ELOVL5: variants seen among roughly 807,000 people sequenced by gnomAD.
ELOVL5 encodes the protein ELOVL fatty acid elongase 5.
ELOVL5 carries 8 observed loss-of-function variants against 38.6 expected under a neutral mutation model. The observed-to-expected ratio is 0.21, with a 90% CI of 0.12 to 0.37. The LOEUF is 0.37. Among genes scored for constraint, ELOVL5 ranks in the 10% least tolerant of loss-of-function variants. The pLI is 1.00. For synonymous variants in ELOVL5, 127 were observed against 133.7 expected (o/e 0.95, Z 0.34); for missense variants, 280 against 367.8 (o/e 0.76, Z 1.95).
chr6:53,268,177 A>T lies in ELOVL5; in HGVS notation c.*950T>A, dbSNP rs899667175. Reference sequence around the variant, plus strand: ...AGTGCATAAATCAATCCAAATTTAGACCCTGGCAACCAGTTCCCCATTGCT... The same window carrying T: ...AGTGCATAAATCAATCCAAATTTAGTCCCTGGCAACCAGTTCCCCATTGCT... On this transcript the variant is annotated 3_prime_UTR_variant, in exon 8 of 8. Coordinates refer to ENST00000304434, the MANE Select transcript of ELOVL5 (RefSeq NM_021814.5). 9.2e-5 allele frequency: 14 copies of T among 152,272 alleles called. No homozygotes were observed. The highest frequency in any genetic ancestry group is 2.0e-4 in the Admixed American group (3 of 15,290). The allele number at this position is 152,272 out of a possible 1,614,324, so 9.4% of individuals were successfully genotyped here.
intron 1 of ELOVL5, among the ~76,000 whole-genome samples, chr6:53,312,383 A>T (rs1767879666): frequency 6.6e-6 from 1 of 152,266 alleles, no homozygotes; most frequent in African/African-American, 2.4e-5. Context: ...CAAACCTGAT[A>T]CATTCAACAA....
intron 1 of ELOVL5, among the ~76,000 whole-genome samples, chr6:53,346,160 T>C (rs1488522217): frequency 6.6e-6 from 1 of 152,078 alleles, no homozygotes; most frequent in Non-Finnish European, 1.5e-5. Context: ...GAATATGCAG[T>C]GTTTGGTTTT....
intron 6 of ELOVL5, among the ~76,000 whole-genome samples, chr6:53,271,209 G>C (rs1313492501): frequency 6.6e-6 from 1 of 152,188 alleles, no homozygotes; most frequent in Admixed American, 6.5e-5. Context: ...AATAAACCTT[G>C]AAACGCATGT....
chr6:53,282,633 A>G (rs1309719339), intron 3 of ELOVL5, among the ~76,000 whole-genome samples: 1 of 152,246 alleles, frequency 6.6e-6, no homozygotes, highest in Admixed American at 6.5e-5. Context: ...ACTAAGAGTG[A>G]AAAGTATTCT....
At chr6:53,326,520 G>A (rs1440134595) in intron 1 of ELOVL5, among the ~76,000 whole-genome samples, 4 of 152,064 alleles carry the variant, frequency 2.6e-5, no homozygotes, top group South Asian at 2.1e-4. Flanking sequence ...CCTTGACTCC[G>A]GCAGCTCCCA....
At chr6:53,278,101 TTCA>T (rs1473836358) in intron 3 of ELOVL5, among the ~76,000 whole-genome samples, 1 of 152,242 alleles carries the variant, frequency 6.6e-6, no homozygotes, top group Admixed American at 6.5e-5. Context: ...TATGACTGTC[TTCA>T]TCAGAGATAT....
intron 1 of ELOVL5, among the ~76,000 whole-genome samples, chr6:53,302,321 G>A (rs535528403): frequency 6.6e-6 from 1 of 152,292 alleles, no homozygotes; most frequent in South Asian, 2.1e-4. Flanking sequence ...GTTGCTAGAA[G>A]CATGTTTGAA....
chr6:53,347,035 A>AT (rs1447157516), intron 1 of ELOVL5, among the ~76,000 whole-genome samples: 1 of 152,212 alleles, frequency 6.6e-6, no homozygotes, highest in African/African-American at 2.4e-5. Context: ...AGACAAGGAA[A>AT]TTGAGTCAAG....
chr6:53,276,066 T>C, intron 4 of ELOVL5, 113 bp downstream of exon 4: 8 of 681,606 alleles, frequency 1.2e-5, no homozygotes, highest in Non-Finnish European at 2.0e-5. Context: ...CTTTTAAAAA[T>C]ATCAACAGGG....
chr6:53,325,574 CAG>C (rs768362213), intron 1 of ELOVL5, among the ~76,000 whole-genome samples: 3 of 152,192 alleles, frequency 2.0e-5, no homozygotes, highest in African/African-American at 7.2e-5. Context: ...CAGTCAGAGA[CAG>C]AGAGTCACAG....
chr6:53,288,660 T>C (rs1766659804), intron 3 of ELOVL5, among the ~76,000 whole-genome samples: 2 of 152,376 alleles, frequency 1.3e-5, no homozygotes, highest in South Asian at 4.1e-4. Flanking sequence ...TTCTACATTT[T>C]AAACTCGGTT....
At chr6:53,282,092 C>A (rs1766385177) in intron 3 of ELOVL5, among the ~76,000 whole-genome samples, 1 of 152,170 alleles carries the variant, frequency 6.6e-6, no homozygotes, top group Admixed American at 6.5e-5. Context: ...GGTAAGAGTG[C>A]AATAAGCATT....
intron 3 of ELOVL5, chr6:53,290,082 G>A (rs1212933301): frequency 6.6e-6 from 1 of 152,128 alleles, no homozygotes; most frequent in Non-Finnish European, 1.5e-5. Context: ...AGCTATCAGA[G>A]GAAAATCTGT....
chr6:53,328,771 A>G (rs1229862214), intron 1 of ELOVL5, among the ~76,000 whole-genome samples: 1 of 152,208 alleles, frequency 6.6e-6, no homozygotes, highest in African/African-American at 2.4e-5. Flanking sequence ...AATTAAAAAA[A>G]ATAAAATGAA....
chr6:53,277,393 T>C (rs148606896), intron 3 of ELOVL5, among the ~76,000 whole-genome samples: 539 of 152,230 alleles, frequency 3.5e-3, no homozygotes, highest in African/African-American at 0.011. Flanking sequence ...CACAAGGATT[T>C]AGCATGGGAG....
chr6:53,324,989 A>G (rs866139919), intron 1 of ELOVL5, among the ~76,000 whole-genome samples: 2 of 152,306 alleles, frequency 1.3e-5, no homozygotes, highest in Middle Eastern at 3.4e-3. Flanking sequence ...CCGGAAGCCA[A>G]AGACTTTTTT....
chr6:53,293,100 A>C (rs1163654235), intron 2 of ELOVL5, among the ~76,000 whole-genome samples: 3 of 152,022 alleles, frequency 2.0e-5, no homozygotes, highest in African/African-American at 7.3e-5. Flanking sequence ...ATTCAGCTTC[A>C]TACTCTGGCT....
intron 1 of ELOVL5, among the ~76,000 whole-genome samples, chr6:53,323,972 T>C (rs1339134713): frequency 1.3e-5 from 2 of 151,948 alleles, no homozygotes; most frequent in Non-Finnish European, 2.9e-5. Flanking sequence ...CAGTTATGGG[T>C]CGGGTGCAGT....
At chr6:53,334,545 A>G (rs1768961371) in intron 1 of ELOVL5, among the ~76,000 whole-genome samples, 1 of 152,188 alleles carries the variant, frequency 6.6e-6, no homozygotes, top group South Asian at 2.1e-4. Flanking sequence ...TCTAAGGTAC[A>G]TGACACAATG....
Sources: allele counts gnomAD v4.1 joint callset (sites outside exome capture counted in the v4.1 genomes callset), GRCh38; gene constraint gnomAD v4.1.1; transcripts MANE v1.5; gene names NCBI Gene and HGNC (gene_info 2026-07-23, HGNC 2026-07-21).